Variants in STXBP4 observed in about 807,000 individuals in gnomAD.
The protein encoded by STXBP4 is syntaxin binding protein 4.
STXBP4 carries 55 observed loss-of-function variants against 76.1 expected under a neutral mutation model. That is an observed-to-expected ratio of 0.72 (90% CI 0.58 to 0.91). STXBP4 has a LOEUF of 0.91. STXBP4 is among the 40% of genes least tolerant of loss of function. The pLI, the probability that STXBP4 is intolerant of heterozygous loss-of-function variation, is 0.00. For missense variants in STXBP4, 618 were observed against 636.9 expected (o/e 0.97, Z 0.32); for synonymous variants, 201 against 220.2 (o/e 0.91, Z 0.77).
intron 14 of STXBP4, 71 bp from the exon 15 acceptor site, chr17:55,078,615 T>TA (rs2079217652): frequency 2.1e-6 from 2 of 964,426 alleles, no homozygotes; most frequent in South Asian, 3.0e-5. Flanking sequence ...TTATAAATAT[T>TA]AATGAAGAAA....
At chr17:55,195,450 A>T in the STXBP4 span, among the ~76,000 whole-genome samples, 2 of 151,862 alleles carry the variant, frequency 1.3e-5, no homozygotes, top group Non-Finnish European at 2.9e-5. Flanking sequence ...AATTTTTTAA[A>T]TTTTTTATTT....
At chr17:55,158,923 T>C (rs2080309586) in intron 17 of STXBP4, among the ~76,000 whole-genome samples, 1 of 152,280 alleles carries the variant, frequency 6.6e-6, no homozygotes, top group East Asian at 1.9e-4. Flanking sequence ...AGAGTTAACT[T>C]CTCATGGGAA....
intron 8 of STXBP4, among the ~76,000 whole-genome samples, chr17:55,013,513 C>T (rs1352863867): frequency 6.6e-6 from 1 of 152,212 alleles, no homozygotes; most frequent in Non-Finnish European, 1.5e-5. Context: ...TGAGGATAAG[C>T]CAGTATAGGC....
At chr17:55,192,251 T>G in the STXBP4 span, among the ~76,000 whole-genome samples, 1 of 152,180 alleles carries the variant, frequency 6.6e-6, no homozygotes, top group African/African-American at 2.4e-5. Flanking sequence ...TATTTTCAGA[T>G]GAATGGCTTT....
At chr17:55,140,231 G>T (rs903743669) in intron 16 of STXBP4, among the ~76,000 whole-genome samples, 2 of 152,020 alleles carry the variant, frequency 1.3e-5, no homozygotes, top group Admixed American at 6.6e-5. Flanking sequence ...TCACTTGAGC[G>T]CAGGAGTTCA....
intron 16 of STXBP4, among the ~76,000 whole-genome samples, chr17:55,115,899 G>T (rs1203178508): frequency 6.6e-6 from 1 of 151,848 alleles, no homozygotes; most frequent in Non-Finnish European, 1.5e-5. Flanking sequence ...TGACTAATCA[G>T]ACATGATTTA....
At chr17:55,191,751 C>T in the STXBP4 span, among the ~76,000 whole-genome samples, 1 of 152,178 alleles carries the variant, frequency 6.6e-6, no homozygotes, top group Non-Finnish European at 1.5e-5. Flanking sequence ...TCTCCAGGCA[C>T]TAACTCAAGA....
intron 11 of STXBP4, among the ~76,000 whole-genome samples, chr17:55,046,723 C>T (rs1029756093): frequency 4.0e-5 from 6 of 151,754 alleles, no homozygotes; most frequent in African/African-American, 1.5e-4. Context: ...TTTGTATGGT[C>T]GAAGACCTTT....
intron 10 of STXBP4, 57 bp downstream of exon 10, chr17:55,034,316 TATATGTC>T: frequency 8.3e-7 from 1 of 1,205,126 alleles, no homozygotes; most frequent in Non-Finnish European, 1.2e-6. Context: ...TCTTGAATGT[TATATGTC>T]ATATGTGTAG....
the STXBP4 span, among the ~76,000 whole-genome samples, chr17:55,207,914 AC>A: frequency 6.6e-6 from 1 of 152,042 alleles, no homozygotes; most frequent in Admixed American, 6.6e-5. Flanking sequence ...GGTAACTTTT[AC>A]TTTTCACTCT....
At chr17:55,192,111 AG>A in the STXBP4 span, among the ~76,000 whole-genome samples, 1 of 152,216 alleles carries the variant, frequency 6.6e-6, no homozygotes, top group East Asian at 1.9e-4. Flanking sequence ...CAAAACCAAA[AG>A]AAATACGTGC....
chr17:55,175,120 A>G (rs2080424775), downstream of STXBP4, among the ~76,000 whole-genome samples: 3 of 152,308 alleles, frequency 2.0e-5, no homozygotes, highest in Middle Eastern at 3.4e-3. Flanking sequence ...GGCCTTCATA[A>G]GAGAACCATT....
At position 55,019,842 on chromosome 17, in the gene STXBP4, A is replaced by AT. The variant is rs558191760; in HGVS notation, c.667-11320dup. Among the ~76,000 whole-genome samples the AT allele has an allele frequency of 1.3e-3, 198 of 151,876 alleles. 1 individual carries two copies. Among genetic ancestry groups the AT allele is most frequent in the African/African-American group, 4.5e-3 (188 of 41,436 alleles). The stretch of plus-strand genomic sequence containing the variant: ...TAAGATTTTTGTAGCTCTTATTCTC[A>AT]TTTTTTCTGGTTTCTGTTGTTGCTG... On this transcript the variant is annotated intron_variant, in intron 8 of 17. Coordinates refer to ENST00000376352, the MANE Select transcript of STXBP4 (RefSeq NM_178509.6).
At chr17:55,111,137 G>C (rs1010958727) in intron 16 of STXBP4, among the ~76,000 whole-genome samples, 9 of 152,080 alleles carry the variant, frequency 5.9e-5, no homozygotes, top group African/African-American at 2.2e-4. Flanking sequence ...CCTACTTCCA[G>C]ATTTCCCTAC....
At chr17:55,008,397 C>T (rs182091752) in intron 8 of STXBP4, among the ~76,000 whole-genome samples, 1 of 152,242 alleles carries the variant, frequency 6.6e-6, no homozygotes, top group Admixed American at 6.5e-5. Flanking sequence ...AGTCCTTTCT[C>T]ATTGCCAATT....
In STXBP4 at chr17:55,078,106, T is replaced by C. The variant is rs1163926371; in HGVS notation, c.1217T>C (p.Ile406Thr). The C allele has an allele frequency of 6.2e-7, 1 of 1,610,944 alleles. No homozygotes were observed. Among genetic ancestry groups the C allele is most frequent in the Non-Finnish European group, 8.5e-7 (1 of 1,178,574 alleles). Residue 406 changes from isoleucine to threonine, a missense_variant, in exon 14 of 18, where the codon ATC becomes ACC. Ile to Thr is a moderately conservative substitution (Grantham distance 89). Transcript: ENST00000376352. ...AGTGTTCAGGATTTAAAAAAGAGAA[T>C]CATGGTACTCGACTGCCAATTACGA... ...KESVQDLKKR[I>T]MVLDCQLRKS...
chr17:55,182,052 T>C, the STXBP4 span, among the ~76,000 whole-genome samples: 1 of 152,218 alleles, frequency 6.6e-6, no homozygotes, highest in Non-Finnish European at 1.5e-5. Context: ...CCCCTACTTA[T>C]CTTCCATAAA....
the STXBP4 span, among the ~76,000 whole-genome samples, chr17:55,211,227 TTTTATTATTATTTA>T: frequency 7.2e-5 from 11 of 152,086 alleles, no homozygotes; most frequent in Non-Finnish European, 1.2e-4. Flanking sequence ...CTGCAAATTT[TTTTATTATTATTTA>T]TTTATTTGTT....
At position 55,084,196 on chromosome 17, in the gene STXBP4, C is replaced by G. The variant is rs1029982672; in HGVS notation, c.1489+3013C>G. ...TTCTAACTGGTGTGAGATGGTATCTCATTGTGGTTTTGCTTTGCATTTCTC... is the reference window on the plus strand; with the variant it reads ...TTCTAACTGGTGTGAGATGGTATCTGATTGTGGTTTTGCTTTGCATTTCTC... On this transcript the variant is annotated intron_variant, in intron 16 of 17. Transcript: ENST00000376352. Among the ~76,000 whole-genome samples, 3 of 152,076 alleles carry G rather than the reference C, an allele frequency of 2.0e-5. No homozygotes were observed. The South Asian group carries it at 6.2e-4, about 32-fold the overall frequency.
Sources: gnomAD v4.1 joint callset for allele counts (sites outside exome capture counted in the v4.1 genomes callset) on GRCh38, gnomAD v4.1.1 for gene constraint, MANE v1.5 for transcripts, NCBI Gene and HGNC (gene_info 2026-07-23, HGNC 2026-07-21) for gene names.